LETM2: variants seen among roughly 807,000 people sequenced by gnomAD.
The protein encoded by LETM2 is LETM1 domain-containing protein LETM2, mitochondrial.
In LETM2, 58 loss-of-function variants were observed where a neutral mutation model predicts 59.6. The observed-to-expected ratio is 0.97, with a 90% confidence interval of 0.79 to 1.21. The LOEUF (loss-of-function observed/expected upper bound fraction) is 1.21, where lower values mean the gene tolerates loss of function less well. Ranked by LOEUF, LETM2 falls within the 50% of genes most tolerant of loss-of-function variation. The probability of loss-of-function intolerance (pLI) is 0.00; values close to 1 mark genes in which losing one functional copy is unlikely to be tolerated. For synonymous variants in LETM2, 199 were observed against 214.1 expected, an observed-to-expected ratio of 0.93 and a Z score of 0.62; for missense variants, 572 against 575.7, an observed-to-expected ratio of 0.99 and a Z score of 0.07.
chr8:38,402,451 T>G, intron 6 of LETM2, 74 bp from the exon 7 acceptor site: 1 of 1,544,004 alleles, frequency 6.5e-7, no homozygotes, highest in South Asian at 1.1e-5. Flanking sequence ...CTGTTTCCAC[T>G]GATTTGCTGG....
intron 1 of LETM2, among the ~76,000 whole-genome samples, chr8:38,387,711 C>T (rs541533439): frequency 7.2e-5 from 11 of 151,892 alleles, no homozygotes; most frequent in African/African-American, 2.7e-4. Context: ...GAAGATTGTA[C>T]CATCTTCATG....
At chr8:38,391,832 C>CA (rs1314489102) in intron 2 of LETM2, among the ~76,000 whole-genome samples, 3 of 152,008 alleles carry the variant, frequency 2.0e-5, no homozygotes, top group Non-Finnish European at 4.4e-5. Flanking sequence ...GCTGGGATTA[C>CA]AGGTGCATGA....
intron 2 of LETM2, among the ~76,000 whole-genome samples, chr8:38,388,237 C>T (rs1411423859): frequency 6.6e-6 from 1 of 151,888 alleles, no homozygotes; most frequent in Non-Finnish European, 1.5e-5. Flanking sequence ...TTGCCACCAC[C>T]TCCGGCTAAT....
At chr8:38,392,312 C>A (rs1050248513) in intron 2 of LETM2, among the ~76,000 whole-genome samples, 5 of 152,008 alleles carry the variant, frequency 3.3e-5, no homozygotes, top group Non-Finnish European at 5.9e-5. Context: ...GTAATCCTAG[C>A]TACTTAGAAG....
At chr8:38,401,955 C>T (rs781138118) in intron 6 of LETM2, among the ~76,000 whole-genome samples, 11 of 152,162 alleles carry the variant, frequency 7.2e-5, no homozygotes, top group Non-Finnish European at 5.9e-5. Context: ...ACTGAGAAAG[C>T]ATGATCCTTT....
chr8:38,404,452 C>T lies in LETM2; in HGVS notation c.1164C>T (p.Thr388=). 2.5e-6 allele frequency: 4 copies of T among 1,614,110 alleles called. No individual in the cohort carries two copies. The highest frequency in any genetic ancestry group is 1.3e-5 in the African/African-American group (1 of 75,028). ...VPPSLLLLSR[T]FYLIDVKPKP... ...CTTCCCTTTTGCTCCTGTCCCGCACCTTCTACCTGATAGATGTGAAGCCCA... is the reference window on the plus strand; with the variant it reads ...CTTCCCTTTTGCTCCTGTCCCGCACTTTCTACCTGATAGATGTGAAGCCCA... Residue 388 remains threonine, a synonymous_variant, in exon 8 of 11, where the codon ACC becomes ACT. Coordinates refer to ENST00000379957, the MANE Select transcript of LETM2 (RefSeq NM_001286819.2).
intron 2 of LETM2, among the ~76,000 whole-genome samples, chr8:38,388,748 T>G (rs1332714255): frequency 1.3e-5 from 2 of 149,114 alleles, no homozygotes; most frequent in African/African-American, 4.9e-5. Context: ...GAAGATGTAG[T>G]TTTTTTTGTT....
At chr8:38,386,054 T>A (rs1811762112), upstream of LETM2, among the ~76,000 whole-genome samples, 1 of 152,268 alleles carries the variant, frequency 6.6e-6, no homozygotes, top group South Asian at 2.1e-4. Context: ...CCGCCCTTTC[T>A]GCGACACCAT....
At chr8:38,402,800 T>C (rs962413774) in intron 7 of LETM2, among the ~76,000 whole-genome samples, 156 bp downstream of exon 7, 3 of 152,262 alleles carry the variant, frequency 2.0e-5, no homozygotes, top group African/African-American at 7.2e-5. Context: ...GGTTGATTTT[T>C]CACTTTGATT....
intron 3 of LETM2, chr8:38,393,206 G>A: frequency 3.9e-6 from 2 of 506,442 alleles, no homozygotes; most frequent in South Asian, 6.2e-5. Context: ...CTGTATAACG[G>A]TTTTTAAAAA....
intron 4 of LETM2, chr8:38,396,925 A>G (rs1812735046): frequency 3.2e-6 from 1 of 311,808 alleles, no homozygotes; most frequent in Non-Finnish European, 6.3e-6. Context: ...AAAAAAAAAA[A>G]GAATAAAGAA....
At chr8:38,384,771 CT>C (rs1359496039), upstream of LETM2, among the ~76,000 whole-genome samples, 1 of 152,172 alleles carries the variant, frequency 6.6e-6, no homozygotes, top group Non-Finnish European at 1.5e-5. Context: ...CCTAGCTCAT[CT>C]TTCAAATACT....
In LETM2 at chr8:38,407,045, C is replaced by CA; in HGVS notation, c.1311+8dup. 6.5e-7 allele frequency: 1 copy of CA among 1,547,658 alleles called. No individual in the cohort carries two copies. Among genetic ancestry groups the CA allele is most frequent in the Non-Finnish European group, 8.9e-7 (1 of 1,121,914 alleles). On this transcript the variant is annotated splice_region_variant and intron_variant, in intron 9 of 10. Coordinates refer to ENST00000379957, the MANE Select transcript of LETM2 (RefSeq NM_001286819.2). ...TCAACTGAAGGGAACTAAGGTTAGA[C>CA]AGTTACTTTCCATTTGGTTAATTAG...
At chr8:38,407,063 T>C (rs573920175) in intron 9 of LETM2, 25 bp downstream of exon 9, 1 of 1,424,272 alleles carries the variant, frequency 7.0e-7, no homozygotes, top group Non-Finnish European at 9.9e-7. Flanking sequence ...TTCCATTTGG[T>C]TAATTAGATT....
intron 3 of LETM2, 68 bp downstream of exon 3, chr8:38,393,063 T>C (rs1442342403): frequency 7.6e-7 from 1 of 1,322,824 alleles, no homozygotes; most frequent in Non-Finnish European, 1.0e-6. Flanking sequence ...ACTCAACTAT[T>C]TAAATTCAAC....
upstream of LETM2, among the ~76,000 whole-genome samples, chr8:38,384,543 A>G (rs1811695884): frequency 6.6e-6 from 1 of 152,250 alleles, no homozygotes; most frequent in African/African-American, 2.4e-5. Flanking sequence ...TCTCAGGGCC[A>G]GAGTCATGGA....
In LETM2 at chr8:38,387,843, T is replaced by C. The variant is rs1465512875; in HGVS notation, c.-34-107T>C. ...CTTGAAGGAGGTTTTGTACCTTAAC[T>C]ATGCAAATGTTCTACCTTTGCAATA... On this transcript the variant is annotated intron_variant, in intron 1 of 10. Transcript: ENST00000379957. 1.9e-5 allele frequency: 11 copies of C among 591,208 alleles called. No homozygotes were observed. The East Asian group carries it at 2.6e-4, about 14-fold the overall frequency. 36.6% of individuals were successfully genotyped at this position (591,208 alleles called of 1,614,324 possible). A position where few individuals can be genotyped will look rare whatever the true frequency, so the allele number is the denominator to read the frequency against.
At chr8:38,389,191 G>C (rs1812014362) in intron 2 of LETM2, among the ~76,000 whole-genome samples, 1 of 151,614 alleles carries the variant, frequency 6.6e-6, no homozygotes, top group Non-Finnish European at 1.5e-5. Context: ...GTCCCATTAG[G>C]GTCTGTTACC....
chr8:38,390,451 G>A (rs111892946), intron 2 of LETM2, among the ~76,000 whole-genome samples: 23 of 151,328 alleles, frequency 1.5e-4, no homozygotes, highest in Admixed American at 5.3e-4. Flanking sequence ...GTGAAACCCC[G>A]TCTCTACTAA....
Sources: gnomAD v4.1 joint callset for allele counts (sites outside exome capture counted in the v4.1 genomes callset) on GRCh38, gnomAD v4.1.1 for gene constraint, MANE v1.5 for transcripts, NCBI Gene and HGNC (gene_info 2026-07-23, HGNC 2026-07-21) for gene names.